FOCAD: variants seen among roughly 807,000 people sequenced by gnomAD.
FOCAD encodes KIAA1797.
In FOCAD, 198 loss-of-function variants were observed where a neutral mutation model predicts 225.6. The ratio of observed to expected loss-of-function variants is 0.88; its 90% CI spans 0.78 to 0.99. The LOEUF (loss-of-function observed/expected upper bound fraction) is 0.99, where lower values mean the gene tolerates loss of function less well. FOCAD is among the 50% of genes least tolerant of loss of function. The pLI is 0.00. For synonymous variants in FOCAD, 897 were observed against 755.0 expected, an observed-to-expected ratio of 1.19 and a Z score of -3.08; for missense variants, 2,713 against 2,123.6, an observed-to-expected ratio of 1.28 and a Z score of -5.46.
intron 35 of FOCAD, among the ~76,000 whole-genome samples, chr9:20,969,006 C>T (rs754625990): frequency 1.5e-4 from 22 of 151,598 alleles, no homozygotes; most frequent in Admixed American, 4.6e-4. Context: ...TTATAATTTC[C>T]CTGTGATTTC....
At chr9:20,918,533 C>T (rs1022584285) in intron 24 of FOCAD, among the ~76,000 whole-genome samples, 1 of 152,008 alleles carries the variant, frequency 6.6e-6, no homozygotes, top group East Asian at 1.9e-4. Context: ...ACCATCCCGG[C>T]TAAAACGGTG....
intron 2 of FOCAD, among the ~76,000 whole-genome samples, chr9:20,669,316 C>G (rs754194064): frequency 2.6e-5 from 4 of 152,130 alleles, no homozygotes; most frequent in Non-Finnish European, 5.9e-5. Context: ...GGATTCTGTT[C>G]CTTATTTTCA....
chr9:20,742,777 C>T (rs1187286939), intron 5 of FOCAD, among the ~76,000 whole-genome samples: 2 of 152,134 alleles, frequency 1.3e-5, no homozygotes, highest in South Asian at 2.1e-4. Flanking sequence ...GTTCCTTTAA[C>T]TTCAGTCTTG....
chr9:20,781,051 T>C (rs1819310117), intron 9 of FOCAD, among the ~76,000 whole-genome samples: 1 of 152,222 alleles, frequency 6.6e-6, no homozygotes, highest in Non-Finnish European at 1.5e-5. Flanking sequence ...TAAATCAGGG[T>C]TAATTACATC....
chr9:20,737,759 G>T (rs1434739817), intron 4 of FOCAD, among the ~76,000 whole-genome samples: 1 of 152,178 alleles, frequency 6.6e-6, no homozygotes, highest in East Asian at 1.9e-4. Context: ...CTAGGCACAG[G>T]CCTGGGTCAG....
intron 19 of FOCAD, 70 bp downstream of exon 19, chr9:20,874,877 G>A (rs1830105703): frequency 7.6e-6 from 12 of 1,569,568 alleles, no homozygotes; most frequent in Non-Finnish European, 1.1e-5. Context: ...GTATTCTTTT[G>A]TGATAGGTAC....
Position 20,995,724 on chromosome 9 carries a change from A to T in FOCAD, c.*95A>T. ...AGAATTCATGCCTGGTATTGCTGAGACATGATGCAGAGAGTTAAGGGTCAT... is the reference window on the plus strand; with the variant it reads ...AGAATTCATGCCTGGTATTGCTGAGTCATGATGCAGAGAGTTAAGGGTCAT... On this transcript the variant is annotated 3_prime_UTR_variant, in exon 44 of 44. Transcript: ENST00000338382. 1 of 1,106,338 alleles carries T rather than the reference A, an allele frequency of 9.0e-7. No homozygotes were observed. Among genetic ancestry groups the T allele is most frequent in the Admixed American group, 1.8e-5 (1 of 55,784 alleles). The allele number at this position is 1,106,338 out of a possible 1,614,324, so 68.5% of individuals were successfully genotyped here.
intron 6 of FOCAD, among the ~76,000 whole-genome samples, chr9:20,763,368 A>T (rs1829782031): frequency 6.6e-6 from 1 of 152,126 alleles, no homozygotes; most frequent in African/African-American, 2.4e-5. Context: ...AGGCAGGAGG[A>T]TTGCTTGAGC....
At position 20,778,732 on chromosome 9, in the gene FOCAD, A is replaced by G; in HGVS notation, c.958A>G (p.Thr320Ala). ...TGGAATAGCTTTACTACTTCTACAG[A>G]CTCCAGCAAGTCAGCAGAAGCCAAT... The part of the protein sequence containing the change: ...IIGIALLLLQ[T>A]PASQQKPILN... The change falls in exon 9 of 44, where the codon ACT (threonine) becomes GCT (alanine). Residue 320 changes from threonine (T) to alanine (A), a missense_variant. Coordinates refer to ENST00000338382, the MANE Select transcript of FOCAD (RefSeq NM_001375567.1). 1 of 1,612,258 alleles carries G rather than the reference A, an allele frequency of 6.2e-7. No individual in the cohort carries two copies. Among genetic ancestry groups the G allele is most frequent in the Non-Finnish European group, 8.5e-7 (1 of 1,178,868 alleles).
At chr9:20,726,778 C>A (rs758799221) in intron 4 of FOCAD, among the ~76,000 whole-genome samples, 3 of 152,110 alleles carry the variant, frequency 2.0e-5, no homozygotes, top group Non-Finnish European at 4.4e-5. Flanking sequence ...TTATTGATGA[C>A]CCTGTTCCTT....
intron 35 of FOCAD, 152 bp downstream of exon 35, chr9:20,953,217 G>T: frequency 1.6e-6 from 1 of 617,758 alleles, no homozygotes; most frequent in Non-Finnish European, 2.8e-6. Flanking sequence ...CAATAGAGAT[G>T]ACCAGCAGCT....
intron 10 of FOCAD, among the ~76,000 whole-genome samples, chr9:20,782,709 A>G (rs188860586): frequency 7.6e-4 from 115 of 152,304 alleles, no homozygotes; most frequent in Non-Finnish European, 1.6e-4. Context: ...AGCATCTTAA[A>G]TCTCCATGAA....
At chr9:20,959,897 AT>A (rs1193420558) in intron 35 of FOCAD, among the ~76,000 whole-genome samples, 4 of 152,122 alleles carry the variant, frequency 2.6e-5, no homozygotes, top group African/African-American at 9.7e-5. Flanking sequence ...TTAAATTTGT[AT>A]TTTTTTACCC....
intron 8 of FOCAD, among the ~76,000 whole-genome samples, chr9:20,778,015 G>A (rs960924859): frequency 7.0e-6 from 1 of 142,874 alleles, no homozygotes; most frequent in African/African-American, 2.6e-5. Flanking sequence ...GCGTGAACCC[G>A]GAAGGCGGAG....
At chr9:20,849,928 G>C (rs1332313) in intron 15 of FOCAD, among the ~76,000 whole-genome samples, 123,786 of 151,796 alleles carry the variant, frequency 0.82, 50,701 homozygotes, top group Admixed American at 0.88. Flanking sequence ...CAAAGAGACA[G>C]TTCAAAATAT....
chr9:20,853,111 A>G (rs1827830644), intron 15 of FOCAD, among the ~76,000 whole-genome samples: 1 of 151,756 alleles, frequency 6.6e-6, no homozygotes, highest in African/African-American at 2.4e-5. Flanking sequence ...ATGTCCACCA[A>G]AAAATAGATA....
rs571025287 is a variant in FOCAD, at chr9:20,736,588, G to A, written c.288-3648G>A. Among the ~76,000 whole-genome samples, 139 of 152,220 alleles carry A rather than the reference G, an allele frequency of 9.1e-4. 2 individuals carry two copies. Among genetic ancestry groups the A allele is most frequent in the African/African-American group, 3.3e-3 (136 of 41,538 alleles). ...GTAGTTAGTTTTAGGCAAATTCCAGGCCTCAGCGTTCATTAACTCTGATGC... is the reference window on the plus strand; with the variant it reads ...GTAGTTAGTTTTAGGCAAATTCCAGACCTCAGCGTTCATTAACTCTGATGC... On this transcript the variant is annotated intron_variant, in intron 4 of 43. Transcript: ENST00000338382.
intron 37 of FOCAD, 134 bp downstream of exon 37, chr9:20,978,588 G>A (rs1190731166): frequency 1.9e-6 from 1 of 530,054 alleles, no homozygotes; most frequent in African/African-American, 1.9e-5. Context: ...GGGTTTGATA[G>A]TAGCTGGCCT....
intron 2 of FOCAD, among the ~76,000 whole-genome samples, chr9:20,671,682 A>T (rs914681726): frequency 1.3e-4 from 20 of 152,240 alleles, no homozygotes; most frequent in African/African-American, 4.6e-4. Flanking sequence ...TGTTTAACAG[A>T]TGCTGGGGCA....
Sources: allele counts gnomAD v4.1 joint callset (sites outside exome capture counted in the v4.1 genomes callset), GRCh38; gene constraint gnomAD v4.1.1; transcripts MANE v1.5; gene names NCBI Gene and HGNC (gene_info 2026-07-23, HGNC 2026-07-21).